The following PCDHGA4 variants were observed in gnomAD, a reference collection of about 807,000 sequenced individuals.
PCDHGA4 encodes the protein protocadherin gamma subfamily A, 4, also known as protocadherin gamma-A4.
Under a neutral mutation model 54.6 loss-of-function variants are expected in PCDHGA4, and 38 were observed. That is an observed-to-expected ratio of 0.70 (90% CI 0.54 to 0.91). The LOEUF (loss-of-function observed/expected upper bound fraction) is 0.91. PCDHGA4 is among the 40% of genes least tolerant of loss of function. The probability of loss-of-function intolerance (pLI) is 0.00; values close to 1 mark genes in which losing one functional copy is unlikely to be tolerated. For missense variants in PCDHGA4, 1,298 were observed against 1,220.9 expected (o/e 1.06, Z -0.94); for synonymous variants, 511 against 512.9 (o/e 1.00, Z 0.05).
At chr5:141,398,575 A>G in intron 1 of PCDHGA4, 1 of 1,614,046 alleles carries the variant, frequency 6.2e-7, no homozygotes, top group South Asian at 1.1e-5. Flanking sequence ...ACAGCCTGGC[A>G]CAAGATTTAT....
In PCDHGA4 at chr5:141,365,440, C is replaced by A. The variant is rs1454096579; in HGVS notation, c.2514+7819C>A. On this transcript the variant is annotated intron_variant, in intron 1 of 3. Transcript: ENST00000571252. Reference sequence around the variant, plus strand: ...CCGGAACTGTAATCGCGCTGTTTAGCGTACATGATGGTGATTCTGGAGAAA... The same window carrying A: ...CCGGAACTGTAATCGCGCTGTTTAGAGTACATGATGGTGATTCTGGAGAAA... 5.0e-6 allele frequency: 8 copies of A among 1,613,836 alleles called. No homozygotes were observed. The Admixed American group carries it at 6.7e-5, about 13-fold the overall frequency.
rs769641310 is a variant in PCDHGA4, at chr5:141,477,421, T to G, written c.2515-17386T>G. 1.7e-5 allele frequency: 28 copies of G among 1,614,172 alleles called. No individual in the cohort carries two copies. Among genetic ancestry groups the G allele is most frequent in the Non-Finnish European group, 2.3e-5 (27 of 1,180,028 alleles). On this transcript the variant is annotated intron_variant, in intron 1 of 3. Coordinates refer to ENST00000571252, the MANE Select transcript of PCDHGA4 (RefSeq NM_018917.4). The surrounding 1 kb of genome is among the most constrained non-coding windows in gnomAD (Gnocchi z 4.9). ...TCACCGCCCGAGACGCCGGAACCCC[T>G]TCCCTCTCAGCCCTTACAATAGTGC...
At chr5:141,404,593 A>C in intron 1 of PCDHGA4, 1 of 1,614,080 alleles carries the variant, frequency 6.2e-7, no homozygotes, top group Non-Finnish European at 8.5e-7. Flanking sequence ...GCAATGTGTC[A>C]TTGAGACTGT....
chr5:141,372,645 T>G (rs1317150065), intron 1 of PCDHGA4: 2 of 1,613,914 alleles, frequency 1.2e-6, no homozygotes, highest in African/African-American at 2.7e-5. Context: ...TTTGCCTTAT[T>G]CCTACAATCC....
chr5:141,428,609 A>G, intron 1 of PCDHGA4: 1 of 215,052 alleles, frequency 4.7e-6, no homozygotes, highest in South Asian at 7.9e-5. Context: ...ACTGAAGAGA[A>G]TAACAAGATA....
intron 1 of PCDHGA4, chr5:141,384,518 C>A: frequency 1.2e-6 from 2 of 1,614,192 alleles, no homozygotes; most frequent in South Asian, 2.2e-5. Context: ...AGCGGGGACC[C>A]GCCTCTCAGC....
chr5:141,501,852 A>G (rs922276780), intron 2 of PCDHGA4, among the ~76,000 whole-genome samples: 2 of 151,924 alleles, frequency 1.3e-5, no homozygotes, highest in African/African-American at 4.8e-5. Context: ...TCAACCTTCA[A>G]CCATTTCCCA....
At position 141,490,908 on chromosome 5, in the gene PCDHGA4, C is replaced by A; in HGVS notation, c.2515-3899C>A. On this transcript the variant is annotated intron_variant, in intron 1 of 3. Coordinates refer to ENST00000571252, the MANE Select transcript of PCDHGA4 (RefSeq NM_018917.4). The surrounding 1 kb of genome is among the most constrained non-coding windows in gnomAD (Gnocchi z 5.4). The stretch of plus-strand genomic sequence containing the variant: ...CATCTCTGCATGTGTTTGTCCTAGA[C>A]GAGAATGATAATGCCCCAGCTGTGC... The A allele has an allele frequency of 6.2e-7, 1 of 1,613,710 alleles. No homozygotes were observed. Among genetic ancestry groups the A allele is most frequent in the Non-Finnish European group, 8.5e-7 (1 of 1,179,754 alleles).
At chr5:141,379,171 A>G (rs1561582641) in intron 1 of PCDHGA4, 1 of 152,248 alleles carries the variant, frequency 6.6e-6, no homozygotes, top group Non-Finnish European at 1.5e-5. Flanking sequence ...GTCTTCTTAA[A>G]GATAACATTG....
At chr5:141,395,500 TAAG>T (rs1227202502) in intron 1 of PCDHGA4, 3 of 471,360 alleles carry the variant, frequency 6.4e-6, no homozygotes, top group Non-Finnish European at 1.1e-5. Flanking sequence ...CTCATTCACT[TAAG>T]AAGTAGCTAC....
intron 1 of PCDHGA4, chr5:141,402,790 A>T: frequency 2.1e-6 from 2 of 961,358 alleles, no homozygotes; most frequent in Non-Finnish European, 2.9e-6. Context: ...TTCTGCGGCT[A>T]CACAAAACCC....
chr5:141,394,560 G>GGGCT, intron 1 of PCDHGA4: 2 of 1,614,118 alleles, frequency 1.2e-6, no homozygotes, highest in Non-Finnish European at 1.7e-6. Flanking sequence ...CCGCTCCGCA[G>GGGCT]AGCGTGGCTA....
At chr5:141,393,265 G>T (rs755014362) in intron 1 of PCDHGA4, 3 of 1,613,904 alleles carry the variant, frequency 1.9e-6, no homozygotes, top group South Asian at 1.1e-5. Flanking sequence ...CCTGGAGCAC[G>T]TTATCCACTC....
At chr5:141,494,724 T>C in intron 1 of PCDHGA4, 83 bp from the exon 2 acceptor site, 1 of 1,606,108 alleles carries the variant, frequency 6.2e-7, no homozygotes, top group South Asian at 1.1e-5. Flanking sequence ...CCCCTCCTTC[T>C]CTCCCGGCCC....
intron 1 of PCDHGA4, chr5:141,385,874 A>G (rs1465622834): frequency 6.5e-6 from 1 of 153,030 alleles, no homozygotes; most frequent in Non-Finnish European, 1.5e-5. Context: ...GGTTGGATTT[A>G]TGCCTAAAGA....
At chr5:141,404,108 A>G (rs537875169) in intron 1 of PCDHGA4, 22 of 1,613,436 alleles carry the variant, frequency 1.4e-5, no homozygotes, top group South Asian at 6.6e-5. Context: ...TGTCTGTTCT[A>G]TCCAGGAGAA....
At chr5:141,404,446 G>A (rs1211285523) in intron 1 of PCDHGA4, 2 of 1,612,974 alleles carry the variant, frequency 1.2e-6, no homozygotes, top group East Asian at 2.2e-5. Context: ...CCATCCAAGG[G>A]TCTCCTCTCT....
rs1461837957 is a variant in PCDHGA4, at chr5:141,432,613, G to C, written c.2515-62194G>C. The C allele has an allele frequency of 6.2e-7, 1 of 1,613,946 alleles. No homozygotes were observed. The highest frequency in any genetic ancestry group is 1.3e-5 in the African/African-American group (1 of 75,056). On this transcript the variant is annotated intron_variant, in intron 1 of 3. Coordinates refer to ENST00000571252, the MANE Select transcript of PCDHGA4 (RefSeq NM_018917.4). The surrounding 1 kb of genome is among the most constrained non-coding windows in gnomAD (Gnocchi z 6.0). ...AGGCCAGCGAGCCGGGACTCTTCTC[G>C]GTGGGTCTGCACACGGGCGAGGTGC...
intron 1 of PCDHGA4, chr5:141,375,163 A>C (rs1313060581): frequency 1.2e-6 from 2 of 1,613,774 alleles, no homozygotes; most frequent in South Asian, 2.2e-5. Flanking sequence ...CTGAAAGTGC[A>C]CCTCCAGGAA....
Sources: allele counts gnomAD v4.1 joint callset (sites outside exome capture counted in the v4.1 genomes callset), GRCh38; gene constraint gnomAD v4.1.1; non-coding constraint Gnocchi (gnomAD v3.1); transcripts MANE v1.5; gene names NCBI Gene and HGNC (gene_info 2026-07-23, HGNC 2026-07-21).